CCDC178: variants seen among roughly 807,000 people sequenced by gnomAD.
CCDC178 encodes the protein coiled-coil domain containing 178.
A neutral mutation model predicts 117.4 loss-of-function variants in CCDC178; 126 were observed. The ratio of observed to expected loss-of-function variants is 1.07; its 90% CI spans 0.93 to 1.24. The LOEUF is 1.24. Ranked by LOEUF, CCDC178 falls within the 50% of genes most tolerant of loss-of-function variation. The pLI is 0.00. For synonymous variants in CCDC178, 283 were observed against 313.4 expected (o/e 0.90, Z 1.02); for missense variants, 1,030 against 986.9 (o/e 1.04, Z -0.59).
intron 11 of CCDC178, 86 bp from the exon 12 acceptor site, chr18:33,293,398 T>C (rs1599117340): frequency 3.7e-6 from 3 of 810,962 alleles, no homozygotes; most frequent in Non-Finnish European, 3.6e-6. Flanking sequence ...TGGTGGCTCA[T>C]GCCTGTAATC....
chr18:33,198,325 T>C (rs1258560220), intron 20 of CCDC178, among the ~76,000 whole-genome samples: 2 of 152,182 alleles, frequency 1.3e-5, no homozygotes, highest in South Asian at 2.1e-4. Flanking sequence ...CTTAAACAAA[T>C]AGAAATGAAC....
rs1300280217 is a variant in CCDC178, at chr18:33,176,322, AC to A, written c.2238+35573del. ...GCTCTGTAACCCCCTGAACTCATTG[AC>A]ACACCCATTTGTGCAACCCCAAAAT... On this transcript the variant is annotated intron_variant, in intron 20 of 22. Transcript: ENST00000383096. Among the ~76,000 whole-genome samples the A allele has an allele frequency of 1.4e-4, 21 of 152,138 alleles. 1 individual carries two copies. The highest frequency in any genetic ancestry group is 1.4e-3 in the Admixed American group (21 of 15,268).
At chr18:33,151,732 G>T (rs1472741764) in intron 20 of CCDC178, among the ~76,000 whole-genome samples, 1 of 152,030 alleles carries the variant, frequency 6.6e-6, no homozygotes, top group Admixed American at 6.6e-5. Context: ...TAACACCAAC[G>T]ACAATAATGT....
chr18:33,227,544 G>A lies in CCDC178; in HGVS notation c.1594-689C>T, dbSNP rs867974934. Among the ~76,000 whole-genome samples, 157 of 85,876 alleles carry A rather than the reference G, an allele frequency of 1.8e-3. 1 individual carries two copies. Among genetic ancestry groups the A allele is most frequent in the South Asian group, 5.8e-3 (10 of 1,710 alleles). 56.3% of individuals were successfully genotyped at this position (85,876 alleles called of 152,430 possible). A position where few individuals can be genotyped will look rare whatever the true frequency, so the allele number is the denominator to read the frequency against. On this transcript the variant is annotated intron_variant, in intron 15 of 22. Coordinates refer to ENST00000383096, the MANE Select transcript of CCDC178 (RefSeq NM_001105528.4). ...AAAAGATATATGTATGTGTGTGTGT[G>A]TGTGTGTGTGTGTATATATATATAT...
At chr18:33,008,447 T>A (rs1206400196) in intron 21 of CCDC178, among the ~76,000 whole-genome samples, 1 of 152,062 alleles carries the variant, frequency 6.6e-6, no homozygotes. Flanking sequence ...TCCCCTCTCA[T>A]TTGCTCAAGG....
At chr18:33,053,231 C>A (rs2056774767) in intron 21 of CCDC178, among the ~76,000 whole-genome samples, 1 of 152,186 alleles carries the variant, frequency 6.6e-6, no homozygotes, top group Non-Finnish European at 1.5e-5. Flanking sequence ...TTTACACAGT[C>A]TACCTACTGA....
At position 33,224,849 on chromosome 18, in the gene CCDC178, C is replaced by T. The variant is rs1468983706; in HGVS notation, c.1744G>A (p.Glu582Lys). 6.3e-7 allele frequency: 1 copy of T among 1,582,182 alleles called. No individual in the cohort carries two copies. The change falls in exon 17 of 23, where the codon GAA becomes AAA. Residue 582 changes from glutamate (E) to lysine (K), a missense_variant. Glu to Lys is a moderately conservative substitution (Grantham distance 56). Transcript: ENST00000383096. The stretch of plus-strand genomic sequence containing the variant: ...AGTTGAAGCAGAGGTTCCTGTAGTT[C>T]TGCCAGTGACATGGCACATATTGCT... Reference protein sequence around the residue: ...NRAICAMSLAELQEPLLQLED... With the variant: ...NRAICAMSLAKLQEPLLQLED...
At chr18:33,062,229 C>A (rs2056934741) in intron 21 of CCDC178, among the ~76,000 whole-genome samples, 1 of 152,022 alleles carries the variant, frequency 6.6e-6, no homozygotes, top group African/African-American at 2.4e-5. Context: ...GGACAAAGGC[C>A]TTTGGGAATA....
chr18:33,416,193 C>T (rs1353160776), intron 2 of CCDC178, among the ~76,000 whole-genome samples: 2 of 152,094 alleles, frequency 1.3e-5, no homozygotes, highest in African/African-American at 4.8e-5. Flanking sequence ...TTTGGGAGGC[C>T]GAGGCGGGTG....
At chr18:33,366,218 C>T (rs1258153867) in intron 6 of CCDC178, among the ~76,000 whole-genome samples, 1 of 151,872 alleles carries the variant, frequency 6.6e-6, no homozygotes, top group South Asian at 2.1e-4. Flanking sequence ...TAATCCTAAC[C>T]TTTTGGGAGG....
intron 2 of CCDC178, among the ~76,000 whole-genome samples, chr18:33,439,613 G>A (rs1196734262): frequency 1.3e-5 from 2 of 152,188 alleles, no homozygotes; most frequent in African/African-American, 4.8e-5. Flanking sequence ...CTTACAACTA[G>A]TCATGTCTCT....
intron 21 of CCDC178, among the ~76,000 whole-genome samples, chr18:33,031,664 T>G (rs1328362404): frequency 6.6e-6 from 1 of 152,080 alleles, no homozygotes; most frequent in Non-Finnish European, 1.5e-5. Flanking sequence ...TCCAGTACAG[T>G]TTTGTTTCCA....
chr18:32,983,138 T>TAAA, intron 21 of CCDC178: 20 of 409,154 alleles, frequency 4.9e-5, no homozygotes, highest in South Asian at 1.4e-4. Context: ...AAATAAAATC[T>TAAA]AAAAAAAAAA....
chr18:33,275,562 A>T (rs2144799913), intron 12 of CCDC178, among the ~76,000 whole-genome samples: 1 of 142,060 alleles, frequency 7.0e-6, no homozygotes, highest in Admixed American at 7.0e-5. Context: ...AAAGGAAGGT[A>T]GGGATACTAA....
At position 33,127,209 on chromosome 18, in the gene CCDC178, T is replaced by C. The variant is rs141644319; in HGVS notation, c.2239-34299A>G. Among the ~76,000 whole-genome samples, 802 of 152,242 alleles carry C rather than the reference T, an allele frequency of 5.3e-3. 7 individuals are homozygous for C. The highest frequency in any genetic ancestry group is 0.018 in the African/African-American group (753 of 41,546). ...TTAAAAATATAAACTTTCTGATATTTATTCATTTGAATGTATGGATTCTCT... is the reference window on the plus strand; with the variant it reads ...TTAAAAATATAAACTTTCTGATATTCATTCATTTGAATGTATGGATTCTCT... On this transcript the variant is annotated intron_variant, in intron 20 of 22. Coordinates refer to ENST00000383096, the MANE Select transcript of CCDC178 (RefSeq NM_001105528.4).
At position 33,328,083 on chromosome 18, in the gene CCDC178, A is replaced by AT. The variant is rs771034112; in HGVS notation, c.880-4451dup. 3.7e-3 allele frequency: 374 copies of AT among 100,476 alleles called. 24 individuals are homozygous for AT. Among genetic ancestry groups the AT allele is most frequent in the African/African-American group, 6.0e-3 (45 of 7,458 alleles). 6.2% of individuals were successfully genotyped at this position (100,476 alleles called of 1,614,324 possible). A position where few individuals can be genotyped will look rare whatever the true frequency, so the allele number is the denominator to read the frequency against. On this transcript the variant is annotated intron_variant, in intron 10 of 22. Coordinates refer to ENST00000383096, the MANE Select transcript of CCDC178 (RefSeq NM_001105528.4). ...CAAGGTCATAAAGATTTATCCCTAGATTTTTTTTTTTTTTTTTTTTTTTTT... is the reference window on the plus strand; with the variant it reads ...CAAGGTCATAAAGATTTATCCCTAGATTTTTTTTTTTTTTTTTTTTTTTTTT...
chr18:33,428,798 T>C (rs1300678612), intron 2 of CCDC178, among the ~76,000 whole-genome samples: 3 of 124,148 alleles, frequency 2.4e-5, no homozygotes, highest in Admixed American at 8.0e-5. Flanking sequence ...GTGAGGGTAA[T>C]ATAACAGGGT....
intron 12 of CCDC178, among the ~76,000 whole-genome samples, chr18:33,270,232 G>C (rs2059870917): frequency 6.6e-6 from 1 of 151,548 alleles, no homozygotes; most frequent in South Asian, 2.1e-4. Flanking sequence ...GAGATTCATA[G>C]TTGTGTGACA....
intron 20 of CCDC178, among the ~76,000 whole-genome samples, chr18:33,133,552 C>T (rs960267943): frequency 1.3e-5 from 2 of 151,820 alleles, no homozygotes; most frequent in African/African-American, 4.8e-5. Context: ...ATTTCCACAA[C>T]AAGCATGTGA....
Sources: gnomAD v4.1 joint callset for allele counts (sites outside exome capture counted in the v4.1 genomes callset) on GRCh38, gnomAD v4.1.1 for gene constraint, MANE v1.5 for transcripts, NCBI Gene and HGNC (gene_info 2026-07-23, HGNC 2026-07-21) for gene names.